The following LRP1B variants were observed in gnomAD, a reference collection of about 807,000 sequenced individuals.
The protein encoded by LRP1B is LDL receptor related protein 1B.
Under a neutral mutation model 556.6 loss-of-function variants are expected in LRP1B, and 217 were observed. The observed-to-expected ratio is 0.39, with a 90% CI of 0.35 to 0.44. LRP1B has a LOEUF of 0.44. LRP1B is among the 20% of genes least tolerant of loss of function. The pLI is 1.00. For synonymous variants in LRP1B, 2,047 were observed against 1,865.8 expected (o/e 1.10, Z -2.50); for missense variants, 5,053 against 5,620.8 (o/e 0.90, Z 3.23).
intron 7 of LRP1B, among the ~76,000 whole-genome samples, chr2:141,067,659 C>A (rs1302634707): frequency 1.3e-5 from 2 of 151,922 alleles, no homozygotes; most frequent in South Asian, 2.1e-4. Context: ...CAGCCCTATG[C>A]GCAGTAGCAT....
intron 1 of LRP1B, among the ~76,000 whole-genome samples, chr2:141,815,100 C>G (rs1034161174): frequency 6.6e-6 from 1 of 151,924 alleles, no homozygotes; most frequent in Non-Finnish European, 1.5e-5. Context: ...GGAAGAGAGA[C>G]TAGAGGCCCA....
At chr2:140,533,961 G>A in intron 47 of LRP1B, 60 bp downstream of exon 47, 2 of 1,591,586 alleles carry the variant, frequency 1.3e-6, no homozygotes, top group Non-Finnish European at 1.7e-6. Flanking sequence ...ACGAATGTTG[G>A]AAAAGTTCAG....
At chr2:141,488,963 T>TTG (rs1683219449) in intron 2 of LRP1B, among the ~76,000 whole-genome samples, 2 of 48,968 alleles carry the variant, frequency 4.1e-5, no homozygotes, top group South Asian at 2.0e-3. Context: ...TTACATGGGT[T>TTG]TGTTTTTTTT....
At chr2:141,879,320 C>A (rs569278680) in intron 1 of LRP1B, among the ~76,000 whole-genome samples, 12 of 151,566 alleles carry the variant, frequency 7.9e-5, no homozygotes, top group Middle Eastern at 3.5e-3. Flanking sequence ...CAATGTCATA[C>A]GAGGGATAAG....
intron 2 of LRP1B, among the ~76,000 whole-genome samples, chr2:141,673,432 T>C (rs1325794882): frequency 2.0e-5 from 3 of 152,168 alleles, no homozygotes; most frequent in Admixed American, 6.5e-5. Context: ...GTGTCTTCCC[T>C]CAATTTCCCT....
chr2:140,904,451 T>TATTA (rs1694189992), intron 22 of LRP1B, among the ~76,000 whole-genome samples: 1 of 151,830 alleles, frequency 6.6e-6, no homozygotes, highest in Non-Finnish European at 1.5e-5. Flanking sequence ...AAGCAATATT[T>TATTA]ATATAATGCA....
At chr2:141,963,324 C>T (rs1302599178) in intron 1 of LRP1B, among the ~76,000 whole-genome samples, 2 of 151,704 alleles carry the variant, frequency 1.3e-5, no homozygotes, top group Admixed American at 6.6e-5. Context: ...TTTAATATTG[C>T]CTGAGAATAA....
At chr2:141,516,692 C>CTCTTTTTTTTTTTTTTTTTT (rs1559116115) in intron 2 of LRP1B, among the ~76,000 whole-genome samples, 2 of 124,580 alleles carry the variant, frequency 1.6e-5, no homozygotes, top group Non-Finnish European at 3.3e-5. Context: ...CTCTCTCTCT[C>CTCTTTTTTTTTTTTTTTTTT]TTTTTTTTTT....
intron 6 of LRP1B, among the ~76,000 whole-genome samples, chr2:141,204,814 G>A (rs577038697): frequency 6.6e-6 from 1 of 152,122 alleles, no homozygotes; most frequent in Admixed American, 6.5e-5. Context: ...GCAGGTGCCT[G>A]TAATCCCAAC....
chr2:141,436,231 A>G (rs4549016), intron 3 of LRP1B, among the ~76,000 whole-genome samples: 35,492 of 152,084 alleles, frequency 0.23, 4,426 homozygotes, highest in East Asian at 0.45. Context: ...TAACTAACAT[A>G]TCCATCACCA....
At chr2:141,267,803 A>G (rs756119761) in intron 3 of LRP1B, among the ~76,000 whole-genome samples, 5 of 152,214 alleles carry the variant, frequency 3.3e-5, no homozygotes, top group African/African-American at 7.2e-5. Flanking sequence ...TTATACACAT[A>G]TAACTTCTAT....
At chr2:141,821,233 A>C (rs1210658533) in intron 1 of LRP1B, among the ~76,000 whole-genome samples, 1 of 152,176 alleles carries the variant, frequency 6.6e-6, no homozygotes, top group African/African-American at 2.4e-5. Flanking sequence ...CGATTCCCTC[A>C]ATTTGTGGTA....
At chr2:140,876,410 G>A (rs1573831534) in intron 25 of LRP1B, among the ~76,000 whole-genome samples, 1 of 152,132 alleles carries the variant, frequency 6.6e-6, no homozygotes, top group Non-Finnish European at 1.5e-5. Context: ...ATTTGCATAA[G>A]TGCAATAAAA....
intron 3 of LRP1B, among the ~76,000 whole-genome samples, chr2:141,278,325 G>A (rs918990923): frequency 6.6e-6 from 1 of 151,908 alleles, no homozygotes. Flanking sequence ...CCTTGCTTCG[G>A]GCCTGGCAAA....
At chr2:140,280,942 C>T (rs1682888644) in intron 84 of LRP1B, among the ~76,000 whole-genome samples, 1 of 151,578 alleles carries the variant, frequency 6.6e-6, no homozygotes, top group African/African-American at 2.4e-5. Flanking sequence ...CTAAGAACTA[C>T]CTAGTAGCAC....
chr2:141,198,157 T>C (rs771254683), intron 6 of LRP1B, among the ~76,000 whole-genome samples: 2 of 152,144 alleles, frequency 1.3e-5, no homozygotes, highest in Non-Finnish European at 2.9e-5. Flanking sequence ...TAAGATGATA[T>C]AATTGCATTT....
chr2:141,086,865 C>T (rs7601662), intron 7 of LRP1B, among the ~76,000 whole-genome samples: 126,232 of 151,582 alleles, frequency 0.83, 52,857 homozygotes, highest in East Asian at 0.88. Flanking sequence ...ATCAAACATA[C>T]CAATCACCAG....
intron 27 of LRP1B, among the ~76,000 whole-genome samples, chr2:140,859,790 C>G (rs907422760): frequency 2.6e-5 from 4 of 151,786 alleles, no homozygotes; most frequent in African/African-American, 4.8e-5. Flanking sequence ...GTCAGGAGAT[C>G]GAGACCATCC....
chr2:141,833,318 G>T (rs1258661613), intron 1 of LRP1B, among the ~76,000 whole-genome samples: 2 of 151,616 alleles, frequency 1.3e-5, no homozygotes, highest in Admixed American at 1.3e-4. Flanking sequence ...TTTAAACTTG[G>T]TAAGAAAAAA....
Sources: gnomAD v4.1 joint callset for allele counts (sites outside exome capture counted in the v4.1 genomes callset) on GRCh38, gnomAD v4.1.1 for gene constraint, MANE v1.5 for transcripts, NCBI Gene and HGNC (gene_info 2026-07-23, HGNC 2026-07-21) for gene names.